Variants in AGPAT3 observed in about 807,000 individuals in gnomAD.
AGPAT3 encodes the protein 1-acylglycerol-3-phosphate O-acyltransferase 3, also known as 1-acyl-sn-glycerol-3-phosphate acyltransferase gamma.
Under a neutral mutation model 47.3 loss-of-function variants are expected in AGPAT3, and 5 were observed. That is an observed-to-expected ratio of 0.11 (90% CI 0.06 to 0.22). The LOEUF (loss-of-function observed/expected upper bound fraction) is 0.22, where lower values mean the gene tolerates loss of function less well. Among genes scored for constraint, AGPAT3 ranks in the 10% least tolerant of loss-of-function variants. The pLI is 1.00. For synonymous variants in AGPAT3, 212 were observed against 208.3 expected, an observed-to-expected ratio of 1.02 and a Z score of -0.15; for missense variants, 315 against 493.0, an observed-to-expected ratio of 0.64 and a Z score of 3.42.
intron 2 of AGPAT3, among the ~76,000 whole-genome samples, chr21:43,946,397 C>T (rs1002818895): frequency 2.6e-5 from 4 of 152,004 alleles, no homozygotes; most frequent in Non-Finnish European, 4.4e-5. Context: ...GTCAAGAGTT[C>T]GAGATCAGCC....
chr21:43,916,385 C>G (rs2086729811), intron 2 of AGPAT3: 1 of 152,188 alleles, frequency 6.6e-6, no homozygotes, highest in Admixed American at 6.5e-5. Flanking sequence ...GTAGCATCCC[C>G]AGAATTTCTG....
intron 1 of AGPAT3, among the ~76,000 whole-genome samples, chr21:43,870,950 A>AC (rs1046682464): frequency 3.9e-5 from 6 of 152,166 alleles, no homozygotes; most frequent in African/African-American, 1.4e-4. Context: ...CCCGCTACTG[A>AC]CCCCCAGCTG....
At position 43,920,740 on chromosome 21, in the gene AGPAT3, C is replaced by G. The variant is rs1160476505; in HGVS notation, c.-49+16721C>G. On this transcript the variant is annotated intron_variant, in intron 2 of 9. Transcript: ENST00000291572. This position sits in a 1 kb window ranked among gnomAD's most constrained non-coding sequence, Gnocchi z 6.1. ...CGGGGAGGTTCCCGGAGGGTGGAGC[C>G]CTGGGGAGGGTACAGCAGCTCCGAG... Among the ~76,000 whole-genome samples the G allele has an allele frequency of 6.6e-6, 1 of 152,090 alleles. No homozygotes were observed. Among genetic ancestry groups the G allele is most frequent in the African/African-American group, 2.4e-5 (1 of 41,410 alleles).
intron 2 of AGPAT3, among the ~76,000 whole-genome samples, chr21:43,941,914 C>T (rs937248849): frequency 2.0e-5 from 3 of 152,252 alleles, no homozygotes; most frequent in Admixed American, 6.5e-5. Flanking sequence ...GGAAGAGTGC[C>T]GCATTGCGCC....
chr21:43,895,747 G>A (rs2086201831), intron 1 of AGPAT3, among the ~76,000 whole-genome samples: 1 of 151,816 alleles, frequency 6.6e-6, no homozygotes, highest in Non-Finnish European at 1.5e-5. Context: ...CACCACACCT[G>A]GCTAATTTTT....
intron 8 of AGPAT3, among the ~76,000 whole-genome samples, chr21:43,978,817 C>T (rs2089722391): frequency 6.6e-6 from 1 of 152,208 alleles, no homozygotes; most frequent in Non-Finnish European, 1.5e-5. Flanking sequence ...TTGAAAACCA[C>T]ACTCAGTTCT....
Position 43,934,531 on chromosome 21 carries a change from A to G in AGPAT3, c.-48-25103A>G, listed in dbSNP as rs2087367437. ...GTGTCAGAGACGGGAAAGGACCTGGAAGAAAAGAACTGTTTCCTTTAGGCC... is the reference window on the plus strand; with the variant it reads ...GTGTCAGAGACGGGAAAGGACCTGGGAGAAAAGAACTGTTTCCTTTAGGCC... On this transcript the variant is annotated intron_variant, in intron 2 of 9. Coordinates refer to ENST00000291572, the MANE Select transcript of AGPAT3 (RefSeq NM_020132.5). The surrounding 1 kb of genome is among the most constrained non-coding windows in gnomAD (Gnocchi z 4.7). Among the ~76,000 whole-genome samples, 1 of 152,238 alleles carries G rather than the reference A, an allele frequency of 6.6e-6. No individual in the cohort carries two copies. The highest frequency in any genetic ancestry group is 6.5e-5 in the Admixed American group (1 of 15,292).
Position 43,952,636 on chromosome 21 carries a change from T to G in AGPAT3, c.-48-6998T>G, listed in dbSNP as rs923592995. 9.2e-5 allele frequency among the ~76,000 whole-genome samples: 14 copies of G among 152,256 alleles called. No individual in the cohort carries two copies. Among genetic ancestry groups the G allele is most frequent in the African/African-American group, 2.6e-4 (11 of 41,542 alleles). ...GACCAAGATGTGCTGGCGCCAGGCTTCCGGGCAACCTAAATCTGTTGTTTA... is the reference window on the plus strand; with the variant it reads ...GACCAAGATGTGCTGGCGCCAGGCTGCCGGGCAACCTAAATCTGTTGTTTA... On this transcript the variant is annotated intron_variant, in intron 2 of 9. Coordinates refer to ENST00000291572, the MANE Select transcript of AGPAT3 (RefSeq NM_020132.5). The surrounding 1 kb of genome is among the most constrained non-coding windows in gnomAD (Gnocchi z 5.6).
intron 2 of AGPAT3, among the ~76,000 whole-genome samples, chr21:43,926,551 C>T (rs972808896): frequency 7.9e-5 from 12 of 151,208 alleles, no homozygotes; most frequent in Admixed American, 2.6e-4. Flanking sequence ...GCCCCCACGG[C>T]GCGTTCCTGG....
At chr21:43,878,934 T>C (rs2085793493) in intron 1 of AGPAT3, among the ~76,000 whole-genome samples, 1 of 151,618 alleles carries the variant, frequency 6.6e-6, no homozygotes, top group African/African-American at 2.4e-5. Flanking sequence ...AGAGATGAGG[T>C]TTCACCATAT....
chr21:43,902,454 G>A (rs975762945), intron 1 of AGPAT3, among the ~76,000 whole-genome samples: 2 of 152,350 alleles, frequency 1.3e-5, no homozygotes, highest in East Asian at 3.9e-4. Context: ...CTGACTGGCT[G>A]GCTTAAGTAA....
Position 43,878,156 on chromosome 21 carries a change from C to T in AGPAT3, c.-112+12811C>T, listed in dbSNP as rs189913162. 4.1e-3 allele frequency among the ~76,000 whole-genome samples: 618 copies of T among 152,244 alleles called. 2 individuals are homozygous for T. Among genetic ancestry groups the T allele is most frequent in the African/African-American group, 0.014 (586 of 41,530 alleles). On this transcript the variant is annotated intron_variant, in intron 1 of 9. Transcript: ENST00000291572. ...CTGATGTCAGTGTCCCCCGACCTCA[C>T]GCTCTGCACCCCCACACCCGGTCTT...
At chr21:43,931,922 CGT>C (rs55978822) in intron 2 of AGPAT3, among the ~76,000 whole-genome samples, 5,302 of 145,598 alleles carry the variant, frequency 0.036, 116 homozygotes, top group Non-Finnish European at 0.043. Flanking sequence ...AAGAGGATCT[CGT>C]GTGTGTGTGT....
At chr21:43,943,291 A>G (rs946636845) in intron 2 of AGPAT3, among the ~76,000 whole-genome samples, 33 of 152,096 alleles carry the variant, frequency 2.2e-4, no homozygotes, top group African/African-American at 6.7e-4. Context: ...AGCCAGGATG[A>G]TCTCGATCTC....
intron 2 of AGPAT3, among the ~76,000 whole-genome samples, chr21:43,910,120 A>G (rs1367266587): frequency 2.6e-5 from 4 of 152,242 alleles, no homozygotes; most frequent in Admixed American, 6.5e-5. Flanking sequence ...GGGAGCCTGC[A>G]GGGTGTGACT....
chr21:43,952,450 G>A lies in AGPAT3; in HGVS notation c.-48-7184G>A, dbSNP rs1234960504. The stretch of plus-strand genomic sequence containing the variant: ...CAAAAGGTGGCAGAATTGGGTGTGG[G>A]CGTGTGGGGCTGGGCTCTGATTGGC... On this transcript the variant is annotated intron_variant, in intron 2 of 9. Transcript: ENST00000291572. The surrounding 1 kb of genome is among the most constrained non-coding windows in gnomAD (Gnocchi z 5.6). 6.6e-6 allele frequency among the ~76,000 whole-genome samples: 1 copy of A among 152,202 alleles called. No homozygotes were observed. Among genetic ancestry groups the A allele is most frequent in the Non-Finnish European group, 1.5e-5 (1 of 68,024 alleles).
At chr21:43,946,415 C>T (rs2146427871) in intron 2 of AGPAT3, among the ~76,000 whole-genome samples, 1 of 152,232 alleles carries the variant, frequency 6.6e-6, no homozygotes, top group Admixed American at 6.5e-5. Flanking sequence ...GCCTGGCCAA[C>T]ATGGCAAAAT....
chr21:43,881,621 A>G (rs1479978976), intron 1 of AGPAT3, among the ~76,000 whole-genome samples: 3 of 152,240 alleles, frequency 2.0e-5, no homozygotes, highest in Non-Finnish European at 4.4e-5. Flanking sequence ...CGTAGAAATG[A>G]TAATATTTTG....
At chr21:43,950,058 G>T (rs2088115568) in intron 2 of AGPAT3, among the ~76,000 whole-genome samples, 1 of 152,232 alleles carries the variant, frequency 6.6e-6, no homozygotes, top group Non-Finnish European at 1.5e-5. Flanking sequence ...TGTTGAAGGT[G>T]GTGGAGCCCC....
Sources: allele counts gnomAD v4.1 joint callset (sites outside exome capture counted in the v4.1 genomes callset), GRCh38; gene constraint gnomAD v4.1.1; non-coding constraint Gnocchi (gnomAD v3.1); transcripts MANE v1.5; gene names NCBI Gene and HGNC (gene_info 2026-07-23, HGNC 2026-07-21).